The following NRXN3 variants were observed in gnomAD, a reference collection of about 807,000 sequenced individuals.
NRXN3 encodes the protein neurexin 3.
NRXN3 carries 32 observed loss-of-function variants against 137.6 expected under a neutral mutation model. That is an observed-to-expected ratio of 0.23 (90% CI 0.18 to 0.31). The LOEUF is 0.31. Ranked by LOEUF, NRXN3 falls within the 10% of genes least tolerant of loss-of-function variation. The pLI, the probability that NRXN3 is intolerant of heterozygous loss-of-function variation, is 1.00. For missense variants in NRXN3, 1,574 were observed against 2,062.5 expected (o/e 0.76, Z 4.59); for synonymous variants, 798 against 784.5 (o/e 1.02, Z -0.29).
intron 15 of NRXN3, among the ~76,000 whole-genome samples, chr14:79,035,852 G>A (rs1357061716): frequency 6.6e-6 from 1 of 152,066 alleles, no homozygotes; most frequent in East Asian, 1.9e-4. Context: ...GTTTGTGGGG[G>A]ATGGATGGAA....
At chr14:78,569,799 A>G (rs1450622540) in intron 4 of NRXN3, among the ~76,000 whole-genome samples, 2 of 151,830 alleles carry the variant, frequency 1.3e-5, no homozygotes, top group African/African-American at 4.8e-5. Context: ...ATCTCAAGTG[A>G]TCTACCCGCC....
At chr14:79,695,413 A>T (rs1276021241) in intron 18 of NRXN3, among the ~76,000 whole-genome samples, 1 of 151,954 alleles carries the variant, frequency 6.6e-6, no homozygotes, top group Non-Finnish European at 1.5e-5. Context: ...GAGATGGATA[A>T]ATATTATGAT....
intron 4 of NRXN3, among the ~76,000 whole-genome samples, chr14:78,536,874 G>T (rs2096541343): frequency 6.7e-6 from 1 of 150,050 alleles, no homozygotes; most frequent in Non-Finnish European, 1.5e-5. Context: ...TTCTGTCCTT[G>T]TGACAGTTTG....
chr14:78,899,491 A>G (rs2099188671), intron 10 of NRXN3, among the ~76,000 whole-genome samples: 1 of 151,972 alleles, frequency 6.6e-6, no homozygotes, highest in Non-Finnish European at 1.5e-5. Flanking sequence ...TTTTGTGTGT[A>G]TGGTTGCCAG....
intron 10 of NRXN3, among the ~76,000 whole-genome samples, chr14:78,831,580 AC>A: frequency 6.8e-6 from 1 of 147,926 alleles, no homozygotes; most frequent in East Asian, 2.0e-4. Flanking sequence ...GAACAATAGC[AC>A]TTTCACTCAT....
chr14:78,219,198 A>T (rs1417203798), intron 1 of NRXN3, among the ~76,000 whole-genome samples: 2 of 152,216 alleles, frequency 1.3e-5, no homozygotes, highest in African/African-American at 4.8e-5. Flanking sequence ...CCTGTCCAAT[A>T]TACAGGGTGA....
At chr14:79,025,868 G>C (rs935421858) in intron 15 of NRXN3, among the ~76,000 whole-genome samples, 2 of 152,074 alleles carry the variant, frequency 1.3e-5, no homozygotes, top group African/African-American at 4.8e-5. Flanking sequence ...GATGCCATTT[G>C]GGAGCCACTC....
At chr14:78,760,337 C>T (rs950817296) in intron 8 of NRXN3, among the ~76,000 whole-genome samples, 3 of 150,866 alleles carry the variant, frequency 2.0e-5, no homozygotes, top group Non-Finnish European at 4.4e-5. Context: ...CCACTGCGCC[C>T]CACCTGAGCC....
intron 15 of NRXN3, among the ~76,000 whole-genome samples, chr14:79,187,048 T>C (rs2063625899): frequency 1.3e-5 from 2 of 152,164 alleles, no homozygotes; most frequent in African/African-American, 4.8e-5. Flanking sequence ...CTTCTTACCA[T>C]TTTTCTGCTG....
intron 15 of NRXN3, among the ~76,000 whole-genome samples, chr14:79,269,018 A>C (rs1028189718): frequency 6.6e-6 from 1 of 150,852 alleles, no homozygotes; most frequent in Non-Finnish European, 1.5e-5. Flanking sequence ...ATGGTGGACT[A>C]TTTTCTTACT....
intron 10 of NRXN3, among the ~76,000 whole-genome samples, chr14:78,914,333 A>T (rs999214717): frequency 6.6e-6 from 1 of 152,170 alleles, no homozygotes; most frequent in Non-Finnish European, 1.5e-5. Flanking sequence ...AAATACCTGC[A>T]CTCTTGGAAC....
chr14:79,762,919 G>A (rs1172767917), intron 19 of NRXN3, among the ~76,000 whole-genome samples: 1 of 151,536 alleles, frequency 6.6e-6, no homozygotes, highest in Non-Finnish European at 1.5e-5. Flanking sequence ...TGCAGAATAT[G>A]CAGGTTTGTT....
At chr14:79,175,353 T>C (rs2062222115) in intron 15 of NRXN3, among the ~76,000 whole-genome samples, 1 of 152,148 alleles carries the variant, frequency 6.6e-6, no homozygotes, top group Non-Finnish European at 1.5e-5. Flanking sequence ...AAGATCAGTG[T>C]GGGATAAAGA....
At chr14:78,353,148 G>A (rs1047272572) in intron 4 of NRXN3, among the ~76,000 whole-genome samples, 1 of 152,168 alleles carries the variant, frequency 6.6e-6, no homozygotes, top group Non-Finnish European at 1.5e-5. Flanking sequence ...CTGGAGAGAG[G>A]CTGAGTAGCT....
chr14:79,407,414 G>A (rs1278161107), intron 15 of NRXN3, among the ~76,000 whole-genome samples: 1 of 152,054 alleles, frequency 6.6e-6, no homozygotes. Context: ...TTATTGGTTT[G>A]CAGAACAGGC....
intron 15 of NRXN3, among the ~76,000 whole-genome samples, chr14:79,349,579 CACACACACAG>C (rs1352378531): frequency 2.0e-5 from 3 of 150,024 alleles, no homozygotes; most frequent in Non-Finnish European, 4.4e-5. Flanking sequence ...CACACACACA[CACACACACAG>C]ACAATATTAT....
chr14:79,065,655 A>C (rs1301643526), intron 15 of NRXN3, among the ~76,000 whole-genome samples: 1 of 152,088 alleles, frequency 6.6e-6, no homozygotes, highest in Non-Finnish European at 1.5e-5. Flanking sequence ...ACCATAAAGA[A>C]GAACCTGCCT....
At chr14:79,697,448 GGAA>G (rs2098739656) in intron 18 of NRXN3, among the ~76,000 whole-genome samples, 179 bp from the exon 19 acceptor site, 1 of 151,904 alleles carries the variant, frequency 6.6e-6, no homozygotes, top group Non-Finnish European at 1.5e-5. Flanking sequence ...GCTAGACAGT[GGAA>G]GAGATAACCA....
At chr14:79,661,974 C>A (rs1308398544) in intron 16 of NRXN3, among the ~76,000 whole-genome samples, 1 of 152,100 alleles carries the variant, frequency 6.6e-6, no homozygotes, top group Non-Finnish European at 1.5e-5. Flanking sequence ...CTCATGTGAG[C>A]AGTTACCTCC....
Sources: gnomAD v4.1 joint callset for allele counts (sites outside exome capture counted in the v4.1 genomes callset) on GRCh38, gnomAD v4.1.1 for gene constraint, MANE v1.5 for transcripts, NCBI Gene and HGNC (gene_info 2026-07-23, HGNC 2026-07-21) for gene names.